The following TCL1B variants were observed in gnomAD, a reference collection of about 807,000 sequenced individuals.
The protein encoded by TCL1B is T-cell leukemia/lymphoma protein 1B.
In TCL1B, 14 loss-of-function variants were observed where a neutral mutation model predicts 16.9. The ratio of observed to expected loss-of-function variants is 0.83; its 90% CI spans 0.55 to 1.30. The LOEUF (loss-of-function observed/expected upper bound fraction) is 1.30. Among genes scored for constraint, TCL1B ranks in the 50% most tolerant of loss-of-function variants. The pLI is 0.00. For synonymous variants in TCL1B, 79 were observed against 66.6 expected (o/e 1.19, Z -0.91); for missense variants, 166 against 165.2 (o/e 1.00, Z -0.03).
intron 1 of TCL1B, among the ~76,000 whole-genome samples, chr14:95,687,907 G>A (rs1472777658): frequency 7.9e-6 from 1 of 126,966 alleles, no homozygotes; most frequent in East Asian, 2.5e-4. Context: ...AGCCGAGATC[G>A]CACCACTGCA....
Position 95,686,599 on chromosome 14 carries a change from G to T in TCL1B, c.132G>T (p.Arg44Ser), listed in dbSNP as rs879306936. The T allele has an allele frequency of 2.5e-6, 4 of 1,612,712 alleles. No individual in the cohort carries two copies. The African/African-American group carries it at 4.0e-5, about 16-fold the overall frequency. ...TVVVRFNPSR[R>S]EWARASQGSR... The stretch of plus-strand genomic sequence containing the variant: ...TCGTGCGGTTCAATCCCTCGCGTAG[G>T]GAATGGGCCAGGGCCTCCCAGGGCA... The change falls in exon 1 of 4, where the codon AGG becomes AGT. Residue 44 changes from arginine (R) to serine (S), a missense_variant. By Grantham distance (110) the Arg-to-Ser change is moderately radical. Transcript: ENST00000340722.
intron 2 of TCL1B, 90 bp downstream of exon 2, chr14:95,690,996 G>C: frequency 6.8e-7 from 1 of 1,465,664 alleles, no homozygotes; most frequent in Non-Finnish European, 9.3e-7. Flanking sequence ...GCCCCCTTGG[G>C]GTTCTTGTCT....
At chr14:95,689,213 G>T in intron 1 of TCL1B, 1 of 152,244 alleles carries the variant, frequency 6.6e-6, no homozygotes, top group Non-Finnish European at 1.5e-5. Flanking sequence ...CTTGAACCTG[G>T]GAGGCAGAGC....
At chr14:95,687,069 G>T (rs1189235196) in intron 1 of TCL1B, among the ~76,000 whole-genome samples, 3 of 152,226 alleles carry the variant, frequency 2.0e-5, no homozygotes, top group Non-Finnish European at 4.4e-5. Flanking sequence ...ATTGGTGTCA[G>T]ATTACTGATC....
chr14:95,691,115 G>A (rs1885876144), intron 2 of TCL1B, among the ~76,000 whole-genome samples, 153 bp from the exon 3 acceptor site: 1 of 152,234 alleles, frequency 6.6e-6, no homozygotes, highest in Non-Finnish European at 1.5e-5. Context: ...GAGGGAGGGA[G>A]GGTTGCCTTC....
intron 1 of TCL1B, among the ~76,000 whole-genome samples, chr14:95,687,146 C>T (rs1243802539): frequency 1.3e-5 from 2 of 152,204 alleles, no homozygotes; most frequent in South Asian, 2.1e-4. Flanking sequence ...CATGGCTCAC[C>T]GCCTGAATGG....
chr14:95,690,813 C>T lies in TCL1B; in HGVS notation c.240C>T (p.Pro80=), dbSNP rs749393789. ...AGCTACTCTCCTCCGGCCAGATGCCCTTCTCCCAGCTGCCCGCCGTGTGGC... is the reference window on the plus strand; with the variant it reads ...AGCTACTCTCCTCCGGCCAGATGCCTTTCTCCCAGCTGCCCGCCGTGTGGC... The part of the protein sequence containing the change: ...TRELLSSGQM[P]FSQLPAVWQL... Residue 80 remains proline (P), a synonymous_variant, in exon 2 of 4, where the codon CCC becomes CCT. Transcript: ENST00000340722. The T allele has an allele frequency of 1.3e-5, 21 of 1,613,970 alleles. No individual in the cohort carries two copies. The highest frequency in any genetic ancestry group is 1.6e-5 in the Non-Finnish European group (19 of 1,179,936).
At position 95,686,584 on chromosome 14, in the gene TCL1B, C is replaced by A. The variant is rs529082942; in HGVS notation, c.117C>A (p.Phe39Leu). 2.6e-5 allele frequency: 42 copies of A among 1,613,506 alleles called. No homozygotes were observed. The highest frequency in any genetic ancestry group is 3.2e-5 in the Non-Finnish European group (38 of 1,179,720). Residue 39 changes from phenylalanine (F) to leucine (L), a missense_variant, in exon 1 of 4, where the codon TTC becomes TTA. Phe to Leu is a conservative substitution (Grantham distance 22). Coordinates refer to ENST00000340722, the MANE Select transcript of TCL1B (RefSeq NM_004918.4). ...GRTWVTVVVR[F>L]NPSRREWARA... The stretch of plus-strand genomic sequence containing the variant: ...CCTGGGTGACTGTGGTCGTGCGGTT[C>A]AATCCCTCGCGTAGGGAATGGGCCA...
chr14:95,691,919 G>A lies in TCL1B; in HGVS notation c.*16-12G>A, dbSNP rs1885896319. 6.5e-6 allele frequency: 1 copy of A among 152,712 alleles called. No homozygotes were observed. The highest frequency in any genetic ancestry group is 2.4e-5 in the African/African-American group (1 of 41,446). 9.5% of individuals were successfully genotyped at this position (152,712 alleles called of 1,614,324 possible). On this transcript the variant is annotated splice_polypyrimidine_tract_variant and intron_variant, in intron 3 of 3. Transcript: ENST00000340722. Reference sequence around the variant, plus strand: ...CATAGTTCACTGACTGTCTCCTTTGGTCTTCTCGCAGGCCCTGCTGGCCCT... The same window carrying A: ...CATAGTTCACTGACTGTCTCCTTTGATCTTCTCGCAGGCCCTGCTGGCCCT...
rs1351739896 is a variant in TCL1B, at chr14:95,692,243, G to A, written c.*328G>A. ...CTGTGCCCCTCATGCTGATCTTCTA[G>A]ATGCCACTCCCAAATCCCCTTCATA... On this transcript the variant is annotated 3_prime_UTR_variant, in exon 4 of 4. Coordinates refer to ENST00000340722, the MANE Select transcript of TCL1B (RefSeq NM_004918.4). The A allele has an allele frequency of 2.0e-5, 3 of 152,400 alleles. No homozygotes were observed. Among genetic ancestry groups the A allele is most frequent in the Non-Finnish European group, 2.9e-5 (2 of 68,248 alleles). 9.4% of individuals were successfully genotyped at this position (152,400 alleles called of 1,614,324 possible).
In TCL1B at chr14:95,692,447, A is replaced by C. The variant is rs1885906175; in HGVS notation, c.*532A>C. The C allele has an allele frequency of 6.6e-6, 1 of 152,386 alleles. No individual in the cohort carries two copies. The highest frequency in any genetic ancestry group is 2.4e-5 in the African/African-American group (1 of 41,446). The allele number at this position is 152,386 out of a possible 1,614,324, so 9.4% of individuals were successfully genotyped here. ...CTGCTGACACTTTGGCCCGAAATAG[A>C]TCCAGTGCTGAGCAAGCAATGTACA... On this transcript the variant is annotated 3_prime_UTR_variant, in exon 4 of 4. Transcript: ENST00000340722.
In TCL1B at chr14:95,686,539, C is replaced by T; in HGVS notation, c.72C>T (p.Tyr24=). 5 of 1,613,908 alleles carry T rather than the reference C, an allele frequency of 3.1e-6. No individual in the cohort carries two copies. The highest frequency in any genetic ancestry group is 1.1e-5 in the South Asian group (1 of 91,066). The part of the protein sequence containing the change: ...GRLWIQRPGI[Y]EDEEGRTWVT... ...TGTGGATCCAGAGGCCTGGCATCTACGAAGATGAGGAGGGGAGAACCTGGG... is the reference window on the plus strand; with the variant it reads ...TGTGGATCCAGAGGCCTGGCATCTATGAAGATGAGGAGGGGAGAACCTGGG... The change falls in exon 1 of 4, where the codon TAC becomes TAT. Residue 24 remains tyrosine, a synonymous_variant. Transcript: ENST00000340722.
In TCL1B at chr14:95,686,543, G is replaced by T; in HGVS notation, c.76G>T (p.Asp26Tyr). The change falls in exon 1 of 4, where the codon GAT becomes TAT. Residue 26 changes from aspartate to tyrosine, a missense_variant. By Grantham distance (160) the Asp-to-Tyr change is radical. Coordinates refer to ENST00000340722, the MANE Select transcript of TCL1B (RefSeq NM_004918.4). ...LWIQRPGIYE[D>Y]EEGRTWVTVV... ...GATCCAGAGGCCTGGCATCTACGAA[G>T]ATGAGGAGGGGAGAACCTGGGTGAC... 1.2e-6 allele frequency: 2 copies of T among 1,613,998 alleles called. No individual in the cohort carries two copies. The highest frequency in any genetic ancestry group is 4.5e-5 in the East Asian group (2 of 44,872).
Position 95,686,472 on chromosome 14 carries a change from C to A in TCL1B, c.5C>A (p.Ala2Asp). The A allele has an allele frequency of 6.3e-7, 1 of 1,590,056 alleles. No individual in the cohort carries two copies. The highest frequency in any genetic ancestry group is 1.2e-5 in the South Asian group (1 of 85,882). ...GGTCCCGGTTGCAGACTTGCCATGGCCTCCGAAGCTTCTGTGCGTCTAGGG... is the reference window on the plus strand; with the variant it reads ...GGTCCCGGTTGCAGACTTGCCATGGACTCCGAAGCTTCTGTGCGTCTAGGG... MASEASVRLGVP... is the reference protein window; with the variant it reads MDSEASVRLGVP... Residue 2 changes from alanine to aspartate, a missense_variant, in exon 1 of 4, where the codon GCC (alanine) becomes GAC (aspartate). Physicochemically the swap from Ala to Asp is moderately radical, Grantham distance 126. Transcript: ENST00000340722.
At chr14:95,687,710 T>C (rs1371636431) in intron 1 of TCL1B, among the ~76,000 whole-genome samples, 2 of 152,088 alleles carry the variant, frequency 1.3e-5, no homozygotes, top group African/African-American at 4.8e-5. Flanking sequence ...CCCAGCACTT[T>C]GGGAGGCCGA....
intron 2 of TCL1B, 113 bp from the exon 3 acceptor site, chr14:95,691,155 T>C: frequency 1.5e-6 from 2 of 1,292,386 alleles, no homozygotes; most frequent in Non-Finnish European, 2.1e-6. Context: ...CAAGCTGGAG[T>C]TCCCACCTGC....
rs369416469 is a variant in TCL1B at position 95,690,599 on chromosome 14, C to T, written c.163-137C>T. The T allele has an allele frequency of 4.4e-5, 44 of 990,838 alleles. 1 individual carries two copies. The East Asian group carries it at 8.5e-4, about 19-fold the overall frequency. The allele number at this position is 990,838 out of a possible 1,614,324, so 61.4% of individuals were successfully genotyped here. A position where few individuals can be genotyped will look rare whatever the true frequency, so the allele number is the denominator to read the frequency against. ...CCATCCTAGATGGAGCCACAAGTAC[C>T]AGTGCCAAGGCTCTTGGTCTGGAAT... is the stretch of plus-strand genomic sequence containing the variant. On this transcript the variant is annotated intron_variant, in intron 1 of 3. Coordinates refer to ENST00000340722, the MANE Select transcript of TCL1B (RefSeq NM_004918.4).
At position 95,690,857 on chromosome 14, in the gene TCL1B, A is replaced by G. The variant is rs1436306990; in HGVS notation, c.284A>G (p.Lys95Arg). The G allele has an allele frequency of 1.9e-6, 3 of 1,614,056 alleles. No homozygotes were observed. The highest frequency in any genetic ancestry group is 3.3e-5 in the Admixed American group (2 of 60,010). ...GTGTGGCAGCTCTACCCCGGGAGGAAGTACCGAGCAGCGGATTCCAGTTTC... is the reference window on the plus strand; with the variant it reads ...GTGTGGCAGCTCTACCCCGGGAGGAGGTACCGAGCAGCGGATTCCAGTTTC... ...PAVWQLYPGR[K>R]YRAADSSFWE... Residue 95 changes from lysine to arginine, a missense_variant, in exon 2 of 4, where the codon AAG becomes AGG. Lys to Arg is a conservative substitution (Grantham distance 26). Coordinates refer to ENST00000340722, the MANE Select transcript of TCL1B (RefSeq NM_004918.4).
rs985507940 is a variant in TCL1B at position 95,690,969 on chromosome 14, T to C, written c.333+63T>C. The stretch of plus-strand genomic sequence containing the variant: ...GCCCCTGGTGACTGCCGTGGCCCTC[T>C]CTCTTCTGTGCCCCTGGCCCCCTTG... On this transcript the variant is annotated intron_variant, in intron 2 of 3. Transcript: ENST00000340722. 1.4e-5 allele frequency: 22 copies of C among 1,573,488 alleles called. No individual in the cohort carries two copies. In the African/African-American group the frequency reaches 2.8e-4, roughly 20 times the overall value.
Sources: gnomAD v4.1 joint callset for allele counts (sites outside exome capture counted in the v4.1 genomes callset) on GRCh38, gnomAD v4.1.1 for gene constraint, MANE v1.5 for transcripts, NCBI Gene and HGNC (gene_info 2026-07-23, HGNC 2026-07-21) for gene names.